The following DACH2 variants were observed in gnomAD, a reference collection of about 807,000 sequenced individuals.
DACH2 encodes dachshund family transcription factor 2, also known as dachshund homolog 2.
Under a neutral mutation model 35.8 loss-of-function variants are expected in DACH2, and 17 were observed. That is an observed-to-expected ratio of 0.48 (90% confidence interval 0.33 to 0.71). The LOEUF is 0.71. Ranked by LOEUF, DACH2 falls within the 30% of genes least tolerant of loss-of-function variation. The probability of loss-of-function intolerance (pLI) is 0.02; values close to 1 mark genes in which losing one functional copy is unlikely to be tolerated. For missense variants in DACH2, 469 were observed against 472.7 expected, an observed-to-expected ratio of 0.99 and a Z score of 0.07; for synonymous variants, 195 against 177.3, an observed-to-expected ratio of 1.10 and a Z score of -0.79.
chrX:86,217,099 A>T (rs1284147473), intron 1 of DACH2, among the ~76,000 whole-genome samples: 1 of 109,460 alleles, frequency 9.1e-6, no homozygotes, highest in Non-Finnish European at 1.9e-5. Flanking sequence ...CAAAAATAAA[A>T]AAAAAAAAAA....
intron 7 of DACH2, among the ~76,000 whole-genome samples, chrX:86,795,232 C>CTTT (rs35324617): frequency 4.7e-5 from 4 of 85,175 alleles, no homozygotes; most frequent in Non-Finnish European, 9.0e-5. Context: ...GAAGCATGTT[C>CTTT]TTTTTTTTTT....
At chrX:86,663,949 A>G (rs1448051826) in intron 4 of DACH2, among the ~76,000 whole-genome samples, 1 of 112,335 alleles carries the variant, frequency 8.9e-6, no homozygotes, top group African/African-American at 3.2e-5. Flanking sequence ...TCTATAAACC[A>G]TTAGGACTGA....
At chrX:86,550,236 A>G (rs1025822513) in intron 3 of DACH2, among the ~76,000 whole-genome samples, 1 of 111,762 alleles carries the variant, frequency 8.9e-6, no homozygotes, top group Middle Eastern at 4.4e-3. Context: ...AAGCCAATAA[A>G]GAAAGAATAG....
rs368198142 is a variant in DACH2 at position 86,814,006 on chromosome X, G to C, written c.1538-682G>C. Among the ~76,000 whole-genome samples, 54 of 111,687 alleles carry C rather than the reference G, an allele frequency of 4.8e-4. 1 individual carries two copies. In the East Asian group the frequency reaches 0.015, roughly 30 times the overall value. On this transcript the variant is annotated intron_variant, in intron 9 of 11. Transcript: ENST00000373125. Reference sequence around the variant, plus strand: ...ATGACTACAGTGTCACTAGGTGATAGGAATTTCGCGCTCCATTATAATCTT... The same window carrying C: ...ATGACTACAGTGTCACTAGGTGATACGAATTTCGCGCTCCATTATAATCTT...
intron 1 of DACH2, among the ~76,000 whole-genome samples, chrX:86,180,305 T>C (rs183229319): frequency 0.013 from 1,339 of 103,015 alleles, 38 homozygotes; most frequent in African/African-American, 0.045. Context: ...CCTCTCAAAA[T>C]TTTTTCTTAT....
intron 3 of DACH2, among the ~76,000 whole-genome samples, chrX:86,634,667 GA>G (rs1415221551): frequency 9.0e-6 from 1 of 110,986 alleles, no homozygotes; most frequent in Non-Finnish European, 1.9e-5. Flanking sequence ...ATCAAGCTGA[GA>G]ACCAAATTAA....
chrX:86,574,918 A>G (rs1354359926), intron 3 of DACH2, among the ~76,000 whole-genome samples: 1 of 111,868 alleles, frequency 8.9e-6, no homozygotes, highest in Non-Finnish European at 1.9e-5. Context: ...TCATGGGCAT[A>G]TATGAAATCT....
At chrX:86,672,766 G>GAA (rs757683798) in intron 4 of DACH2, among the ~76,000 whole-genome samples, 2 of 111,631 alleles carry the variant, frequency 1.8e-5, no homozygotes, top group Admixed American at 1.9e-4. Flanking sequence ...AGTGTGAGGG[G>GAA]AAAAAATGTG....
intron 2 of DACH2, among the ~76,000 whole-genome samples, chrX:86,437,204 A>G (rs950869184): frequency 1.8e-5 from 2 of 111,091 alleles, no homozygotes; most frequent in Non-Finnish European, 3.8e-5. Context: ...TACATATTAT[A>G]TTTTGTTACA....
chrX:86,346,208 A>T (rs1445173731), intron 1 of DACH2, among the ~76,000 whole-genome samples: 1 of 111,020 alleles, frequency 9.0e-6, no homozygotes, highest in Non-Finnish European at 1.9e-5. Context: ...CCCAACCCCT[A>T]GTCAGGGCAT....
chrX:86,513,318 C>T (rs1012349103), intron 2 of DACH2, among the ~76,000 whole-genome samples: 1 of 111,771 alleles, frequency 8.9e-6, no homozygotes, highest in Non-Finnish European at 1.9e-5. Flanking sequence ...TGCATTTCTA[C>T]TAAAAGGCAA....
At chrX:86,485,945 C>G (rs1437985660) in intron 2 of DACH2, among the ~76,000 whole-genome samples, 1 of 112,021 alleles carries the variant, frequency 8.9e-6, no homozygotes, top group Non-Finnish European at 1.9e-5. Flanking sequence ...CCAGCTCTGA[C>G]ACTACCTGCT....
chrX:86,504,265 C>T (rs1167233535), intron 2 of DACH2, among the ~76,000 whole-genome samples: 1 of 110,630 alleles, frequency 9.0e-6, no homozygotes, highest in Admixed American at 9.7e-5. Context: ...TAGGTAAATT[C>T]AAGCAGCATT....
intron 1 of DACH2, among the ~76,000 whole-genome samples, chrX:86,268,772 G>A (rs768619957): frequency 1.8e-5 from 2 of 110,267 alleles, no homozygotes; most frequent in African/African-American, 3.3e-5. Context: ...GACCTCAAGC[G>A]ATCTGCTTGC....
intron 1 of DACH2, among the ~76,000 whole-genome samples, chrX:86,281,551 A>C (rs2034028446): frequency 1.8e-5 from 2 of 111,828 alleles, no homozygotes; most frequent in Non-Finnish European, 3.8e-5. Flanking sequence ...ATCGTACTGA[A>C]TGGGCAAAAG....
chrX:86,684,097 C>G (rs2040914526), intron 4 of DACH2, among the ~76,000 whole-genome samples: 1 of 111,646 alleles, frequency 9.0e-6, no homozygotes, highest in East Asian at 2.8e-4. Context: ...CCAAAGCATA[C>G]AGACAAGCTG....
chrX:86,243,461 T>TA (rs2033212790), intron 1 of DACH2, among the ~76,000 whole-genome samples: 1 of 112,186 alleles, frequency 8.9e-6, no homozygotes, highest in African/African-American at 3.2e-5. Context: ...CATGTTTTTT[T>TA]AAAAAATAAC....
At chrX:86,270,204 C>T (rs1246585438) in intron 1 of DACH2, among the ~76,000 whole-genome samples, 2 of 108,633 alleles carry the variant, frequency 1.8e-5, no homozygotes, top group African/African-American at 3.3e-5. Flanking sequence ...GAGTGACCTG[C>T]CGAGCTTTGA....
At chrX:86,392,453 T>G (rs992144399) in intron 2 of DACH2, among the ~76,000 whole-genome samples, 1 of 111,869 alleles carries the variant, frequency 8.9e-6, no homozygotes, top group African/African-American at 3.2e-5. Flanking sequence ...TTAAAATTAC[T>G]CAATTACTCG....
Sources: allele counts gnomAD v4.1 joint callset (sites outside exome capture counted in the v4.1 genomes callset), GRCh38; gene constraint gnomAD v4.1.1; transcripts MANE v1.5; gene names NCBI Gene and HGNC (gene_info 2026-07-23, HGNC 2026-07-21).